Variants in EYS observed in about 807,000 individuals in gnomAD.
EYS encodes the protein protein eyes shut homolog.
Under a neutral mutation model 282.1 loss-of-function variants are expected in EYS, and 250 were observed. The observed-to-expected ratio is 0.89, with a 90% CI of 0.80 to 0.98. The LOEUF (loss-of-function observed/expected upper bound fraction) is 0.98. Ranked by LOEUF, EYS falls within the 50% of genes least tolerant of loss-of-function variation. EYS has a pLI of 0.00. For synonymous variants in EYS, 1,355 were observed against 1,282.9 expected, an observed-to-expected ratio of 1.06 and a Z score of -1.20; for missense variants, 4,016 against 3,709.0, an observed-to-expected ratio of 1.08 and a Z score of -2.15.
intron 12 of EYS, among the ~76,000 whole-genome samples, chr6:65,147,493 C>T (rs960648579): frequency 4.6e-5 from 7 of 151,984 alleles, no homozygotes; most frequent in Non-Finnish European, 7.4e-5. Flanking sequence ...TACAAGTTCA[C>T]TATTATTATA....
chr6:65,318,382 A>T (rs1011418524), intron 11 of EYS, among the ~76,000 whole-genome samples: 3 of 150,970 alleles, frequency 2.0e-5, no homozygotes, highest in Admixed American at 6.6e-5. Flanking sequence ...ATGACTTACC[A>T]TCACTTCCAC....
intron 28 of EYS, among the ~76,000 whole-genome samples, chr6:64,425,907 C>T (rs886719811): frequency 3.3e-5 from 5 of 151,382 alleles, no homozygotes; most frequent in Non-Finnish European, 5.9e-5. Context: ...AGTAGAGAAG[C>T]GATGTTAGGA....
At chr6:64,463,139 G>A (rs546634235) in intron 26 of EYS, among the ~76,000 whole-genome samples, 9 of 151,770 alleles carry the variant, frequency 5.9e-5, no homozygotes, top group Non-Finnish European at 1.2e-4. Flanking sequence ...TTTTACTAGA[G>A]ATGGGGTTTC....
chr6:64,174,199 C>T (rs929872726), intron 31 of EYS, among the ~76,000 whole-genome samples: 7 of 152,038 alleles, frequency 4.6e-5, no homozygotes, highest in African/African-American at 2.4e-5. Flanking sequence ...AGCAAAGTCT[C>T]ATTTTTCAAC....
chr6:65,367,501 T>G (rs1764960115), intron 8 of EYS, among the ~76,000 whole-genome samples: 2 of 151,822 alleles, frequency 1.3e-5, no homozygotes, highest in African/African-American at 4.8e-5. Context: ...ACATTTAAAA[T>G]GTCTATATGT....
At chr6:65,385,174 C>T (rs1427870341) in intron 7 of EYS, among the ~76,000 whole-genome samples, 1 of 151,592 alleles carries the variant, frequency 6.6e-6, no homozygotes, top group Non-Finnish European at 1.5e-5. Flanking sequence ...AAATGGGACC[C>T]CAAATGAAAG....
intron 14 of EYS, among the ~76,000 whole-genome samples, chr6:64,969,232 A>G (rs62416480): frequency 0.15 from 23,135 of 152,168 alleles, 1,832 homozygotes; most frequent in East Asian, 0.23. Flanking sequence ...AGTCTCTGTC[A>G]GTGGTTGCAG....
chr6:65,494,916 T>C lies in EYS; in HGVS notation c.495A>G (p.Leu165=). Residue 165 remains leucine (L), a synonymous_variant, in exon 4 of 43, where the codon CTA becomes CTG. Coordinates refer to ENST00000503581, the MANE Select transcript of EYS (RefSeq NM_001142800.2). Reference sequence around the variant, plus strand: ...AGAACTGCTGTTTCACTGTCACATTTAGTCGAAGTCCCAGTGGACAAGGTG... The same window carrying C: ...AGAACTGCTGTTTCACTGTCACATTCAGTCGAAGTCCCAGTGGACAAGGTG... The part of the protein sequence containing the change: ...GPSPCPLGLR[L]NVTVKQQFCQ... The C allele has an allele frequency of 6.2e-7, 1 of 1,614,152 alleles. No individual in the cohort carries two copies. The highest frequency in any genetic ancestry group is 8.5e-7 in the Non-Finnish European group (1 of 1,180,020).
intron 8 of EYS, among the ~76,000 whole-genome samples, chr6:65,364,921 T>C (rs962177427): frequency 6.6e-6 from 1 of 151,748 alleles, no homozygotes; most frequent in Non-Finnish European, 1.5e-5. Flanking sequence ...ATCTCAGTGA[T>C]AGTGTGTGTC....
chr6:64,384,292 C>T (rs1166430411), intron 29 of EYS, among the ~76,000 whole-genome samples: 1 of 152,056 alleles, frequency 6.6e-6, no homozygotes, highest in Non-Finnish European at 1.5e-5. Flanking sequence ...AATTGTTAAA[C>T]TTCTTTACTG....
chr6:64,763,021 G>T (rs1316426214), intron 22 of EYS, among the ~76,000 whole-genome samples: 1 of 152,062 alleles, frequency 6.6e-6, no homozygotes, highest in Non-Finnish European at 1.5e-5. Context: ...TTCTGAATGG[G>T]AATTATGAAC....
chr6:64,172,606 A>G (rs1332052559), intron 31 of EYS, among the ~76,000 whole-genome samples: 1 of 152,180 alleles, frequency 6.6e-6, no homozygotes, highest in Non-Finnish European at 1.5e-5. Flanking sequence ...TCAAGATCTC[A>G]GGCAGCAATG....
intron 35 of EYS, among the ~76,000 whole-genome samples, chr6:63,881,094 C>T (rs1427194540): frequency 5.3e-5 from 8 of 152,108 alleles, no homozygotes; most frequent in African/African-American, 1.9e-4. Context: ...CCAACTTTCC[C>T]TGCTGTTTCA....
intron 5 of EYS, among the ~76,000 whole-genome samples, chr6:65,429,340 A>G (rs1414687831): frequency 1.3e-5 from 2 of 152,182 alleles, no homozygotes; most frequent in Admixed American, 1.3e-4. Flanking sequence ...TTACTCTTCC[A>G]GCCTCTGGGA....
At chr6:64,457,253 TAC>T (rs1224918146) in intron 26 of EYS, among the ~76,000 whole-genome samples, 1 of 152,030 alleles carries the variant, frequency 6.6e-6, no homozygotes, top group African/African-American at 2.4e-5. Flanking sequence ...GCAGTCTTCT[TAC>T]AGTTTTCAGA....
chr6:64,754,680 G>A (rs1031146920), intron 22 of EYS, among the ~76,000 whole-genome samples: 13 of 152,194 alleles, frequency 8.5e-5, no homozygotes, highest in Admixed American at 5.9e-4. Flanking sequence ...ATGGTTCAAC[G>A]TATGCAAATA....
At chr6:65,320,956 A>T (rs1020123157) in intron 11 of EYS, among the ~76,000 whole-genome samples, 3 of 152,150 alleles carry the variant, frequency 2.0e-5, no homozygotes, top group African/African-American at 7.2e-5. Context: ...TCTGCATCAC[A>T]ACCTGACTTC....
At chr6:64,882,444 C>T (rs1766953871) in intron 19 of EYS, among the ~76,000 whole-genome samples, 1 of 151,574 alleles carries the variant, frequency 6.6e-6, no homozygotes, top group African/African-American at 2.4e-5. Context: ...AGTGGTTGAG[C>T]ACAATTCAGT....
At chr6:64,769,832 G>A (rs986985642) in intron 22 of EYS, among the ~76,000 whole-genome samples, 3 of 151,942 alleles carry the variant, frequency 2.0e-5, no homozygotes, top group Non-Finnish European at 2.9e-5. Context: ...GAGATCAAGA[G>A]AGAGCAAAGC....
Sources: gnomAD v4.1 joint callset for allele counts (sites outside exome capture counted in the v4.1 genomes callset) on GRCh38, gnomAD v4.1.1 for gene constraint, MANE v1.5 for transcripts, NCBI Gene and HGNC (gene_info 2026-07-23, HGNC 2026-07-21) for gene names.